KIAA2012: variants seen among roughly 807,000 people sequenced by gnomAD.
KIAA2012 encodes uncharacterized protein KIAA2012.
In KIAA2012, 125 loss-of-function variants were observed where a neutral mutation model predicts 150.6. The observed-to-expected ratio is 0.83, with a 90% CI of 0.72 to 0.96. The LOEUF (loss-of-function observed/expected upper bound fraction) is 0.96. KIAA2012 is among the 40% of genes least tolerant of loss of function. The probability of loss-of-function intolerance (pLI) is 0.00; values close to 1 mark genes in which losing one functional copy is unlikely to be tolerated. For missense variants in KIAA2012, 1,219 were observed against 1,354.9 expected (o/e 0.90, Z 1.57); for synonymous variants, 462 against 504.7 (o/e 0.92, Z 1.13).
intron 12 of KIAA2012, among the ~76,000 whole-genome samples, chr2:202,126,954 G>A (rs1690806007): frequency 1.3e-5 from 2 of 152,242 alleles, no homozygotes; most frequent in East Asian, 1.9e-4. Flanking sequence ...AGTTTAGGAA[G>A]TCCTTGACTT....
At chr2:202,200,511 A>C (rs547603569) in intron 22 of KIAA2012, among the ~76,000 whole-genome samples, 3 of 152,232 alleles carry the variant, frequency 2.0e-5, no homozygotes, top group South Asian at 4.1e-4. Context: ...CAAGGAAAGA[A>C]GGAAATTGGC....
intron 2 of KIAA2012, among the ~76,000 whole-genome samples, chr2:202,086,167 C>CAAAA (rs56207993): frequency 0.2 from 18,176 of 89,728 alleles, 2,020 homozygotes; most frequent in Non-Finnish European, 0.24. Context: ...AACTCTGTCT[C>CAAAA]AAAAAAAAAA....
At chr2:202,162,302 TCTCA>T (rs1479090550) in intron 14 of KIAA2012, among the ~76,000 whole-genome samples, 1 of 152,008 alleles carries the variant, frequency 6.6e-6, no homozygotes, top group Admixed American at 6.6e-5. Flanking sequence ...TTAGATGGAG[TCTCA>T]CTCTGTCATC....
intron 22 of KIAA2012, 101 bp downstream of exon 22, chr2:202,197,120 C>G: frequency 6.7e-7 from 1 of 1,503,388 alleles, no homozygotes; most frequent in Non-Finnish European, 9.0e-7. Context: ...CAAGAAAAGT[C>G]CCCCCACCCC....
chr2:202,101,977 G>C (rs1053184050), intron 7 of KIAA2012, among the ~76,000 whole-genome samples: 3 of 152,132 alleles, frequency 2.0e-5, no homozygotes, highest in East Asian at 3.9e-4. Flanking sequence ...CTTTGGCCCA[G>C]GAGCAAACAG....
chr2:202,101,611 C>T (rs1175630536), intron 7 of KIAA2012, among the ~76,000 whole-genome samples: 1 of 152,192 alleles, frequency 6.6e-6, no homozygotes, highest in African/African-American at 2.4e-5. Flanking sequence ...GAAATTAAGT[C>T]TTGGCTCGTC....
chr2:202,185,622 A>G (rs937882954), intron 16 of KIAA2012, among the ~76,000 whole-genome samples: 4 of 152,184 alleles, frequency 2.6e-5, no homozygotes, highest in Admixed American at 1.3e-4. Context: ...CCACCAAAAA[A>G]CACAAAAATT....
At chr2:202,124,523 G>A (rs1039870008) in intron 11 of KIAA2012, among the ~76,000 whole-genome samples, 12 of 152,092 alleles carry the variant, frequency 7.9e-5, no homozygotes, top group Admixed American at 4.6e-4. Context: ...CTTTTTGTGC[G>A]TGTCTGTCAT....
chr2:202,090,315 T>C (rs1345282192), intron 2 of KIAA2012, among the ~76,000 whole-genome samples: 1 of 152,228 alleles, frequency 6.6e-6, no homozygotes, highest in Non-Finnish European at 1.5e-5. Context: ...GAGCCAGATA[T>C]TTTCAAAATG....
intron 22 of KIAA2012, 21 bp downstream of exon 22, chr2:202,197,040 A>T (rs1692429425): frequency 6.5e-7 from 1 of 1,550,302 alleles, no homozygotes; most frequent in African/African-American, 1.4e-5. Flanking sequence ...TTTGGGCAAC[A>T]GTTGCCATAG....
chr2:202,115,070 G>A (rs1690480701), intron 11 of KIAA2012: 1 of 164,054 alleles, frequency 6.1e-6, no homozygotes. Context: ...CTATTAATAA[G>A]CAAAGATTTT....
chr2:202,166,152 A>G (rs1305890157), intron 15 of KIAA2012, among the ~76,000 whole-genome samples: 2 of 152,248 alleles, frequency 1.3e-5, no homozygotes, highest in Non-Finnish European at 2.9e-5. Context: ...GTCAAAACAG[A>G]TTTCCTGTCT....
intron 2 of KIAA2012, among the ~76,000 whole-genome samples, chr2:202,075,527 A>T (rs1404146641): frequency 6.6e-6 from 1 of 152,230 alleles, no homozygotes; most frequent in African/African-American, 2.4e-5. Flanking sequence ...CCTGTCTCAT[A>T]GCCACAAGCA....
At chr2:202,074,236 G>T (rs1042173375) in intron 1 of KIAA2012, among the ~76,000 whole-genome samples, 1 of 151,986 alleles carries the variant, frequency 6.6e-6, no homozygotes, top group African/African-American at 2.4e-5. Context: ...CTTGAATCCT[G>T]CCAGGGATAA....
intron 22 of KIAA2012, chr2:202,201,319 C>G: frequency 6.3e-7 from 1 of 1,585,458 alleles, no homozygotes; most frequent in Non-Finnish European, 8.7e-7. Flanking sequence ...ACAGCAGTTA[C>G]ATTGTGAGAA....
At chr2:202,202,074 T>C (rs1386537197) in intron 22 of KIAA2012, among the ~76,000 whole-genome samples, 4 of 152,204 alleles carry the variant, frequency 2.6e-5, no homozygotes, top group Admixed American at 6.5e-5. Flanking sequence ...CTCAGGCTGA[T>C]CTCAAACACC....
At position 202,093,280 on chromosome 2, in the gene KIAA2012, G is replaced by C. The variant is rs1689778860; in HGVS notation, c.685+95G>C. The C allele has an allele frequency of 1.5e-6, 2 of 1,308,870 alleles. 1 individual carries two copies. Among genetic ancestry groups the C allele is most frequent in the Admixed American group, 4.1e-5 (2 of 48,780 alleles). 81.1% of individuals were successfully genotyped at this position (1,308,870 alleles called of 1,614,324 possible). On this transcript the variant is annotated intron_variant, in intron 4 of 23. Transcript: ENST00000498697. ...GGCATTTCCCAAAACAAGGTCTTGAGATTCTGGGTTGCATAGTCCTCAATC... is the reference window on the plus strand; with the variant it reads ...GGCATTTCCCAAAACAAGGTCTTGACATTCTGGGTTGCATAGTCCTCAATC...
intron 15 of KIAA2012, among the ~76,000 whole-genome samples, chr2:202,173,661 T>C (rs1157931816): frequency 6.6e-6 from 1 of 152,190 alleles, no homozygotes; most frequent in Non-Finnish European, 1.5e-5. Context: ...CCAATCAAAT[T>C]CTTAAGCTTA....
At position 202,190,444 on chromosome 2, in the gene KIAA2012, C is replaced by T; in HGVS notation, c.2762C>T (p.Thr921Ile). The change falls in exon 19 of 24, where the codon ACT becomes ATT. Residue 921 changes from threonine to isoleucine, a missense_variant. Thr to Ile is a moderately conservative substitution (Grantham distance 89). Coordinates refer to ENST00000498697, the MANE Select transcript of KIAA2012 (RefSeq NM_001277372.4). ...TCACCCTCTCAGATTGCAACTGTCA[C>T]TGGCAACATGGAATCTAAAGAAGAG... ...RSSPSQIATVTGNMESKEERR... is the reference protein window; with the variant it reads ...RSSPSQIATVIGNMESKEERR... The T allele has an allele frequency of 6.5e-7, 1 of 1,547,452 alleles. No homozygotes were observed. Among genetic ancestry groups the T allele is most frequent in the Non-Finnish European group, 8.7e-7 (1 of 1,145,052 alleles).
Sources: allele counts gnomAD v4.1 joint callset (sites outside exome capture counted in the v4.1 genomes callset), GRCh38; gene constraint gnomAD v4.1.1; transcripts MANE v1.5; gene names NCBI Gene and HGNC (gene_info 2026-07-23, HGNC 2026-07-21).